The following CSMD1 variants were observed in gnomAD, a reference collection of about 807,000 sequenced individuals.
The protein encoded by CSMD1 is CUB and Sushi multiple domains 1, also known as CUB and sushi domain-containing protein 1.
CSMD1 carries 213 observed loss-of-function variants against 417.5 expected under a neutral mutation model. The ratio of observed to expected loss-of-function variants is 0.51; its 90% CI spans 0.46 to 0.57. The LOEUF is 0.57. Ranked by LOEUF, CSMD1 falls within the 20% of genes least tolerant of loss-of-function variation. The pLI, the probability that CSMD1 is intolerant of heterozygous loss-of-function variation, is 0.00. For missense variants in CSMD1, 6,923 were observed against 4,529.7 expected (o/e 1.53, Z -15.17); for synonymous variants, 2,862 against 1,736.8 (o/e 1.65, Z -16.11).
In CSMD1 at chr8:3,234,017, G is replaced by C. The variant is rs571469615; in HGVS notation, c.4154-3786C>G. Among the ~76,000 whole-genome samples, 6 of 152,284 alleles carry C rather than the reference G, an allele frequency of 3.9e-5. No individual in the cohort carries two copies. In the East Asian group the frequency reaches 9.7e-4, roughly 25 times the overall value. On this transcript the variant is annotated intron_variant, in intron 26 of 69. Coordinates refer to ENST00000635120, the MANE Select transcript of CSMD1 (RefSeq NM_033225.6). ...TCTGTGTATTCTCCCCACTCTGTGA[G>C]TAGAACACCCTTTGGTGTTCCAGCT...
intron 1 of CSMD1, among the ~76,000 whole-genome samples, chr8:4,701,327 T>TC (rs991891250): frequency 1.1e-4 from 16 of 151,650 alleles, no homozygotes; most frequent in African/African-American, 3.9e-4. Flanking sequence ...CTTTTTTTTT[T>TC]TTTAACTCTG....
At chr8:4,709,372 G>A (rs1015268775) in intron 1 of CSMD1, among the ~76,000 whole-genome samples, 5 of 152,134 alleles carry the variant, frequency 3.3e-5, no homozygotes, top group African/African-American at 1.2e-4. Context: ...GTCCCATTGT[G>A]TGCAGCAATT....
chr8:4,547,361 C>A lies in CSMD1; in HGVS notation c.302+89981G>T, dbSNP rs77192837. Among the ~76,000 whole-genome samples the A allele has an allele frequency of 2.2e-3, 333 of 152,312 alleles. 3 individuals carry two copies. Among genetic ancestry groups the A allele is most frequent in the African/African-American group, 7.8e-3 (324 of 41,560 alleles). ...TGCCACAGCAGTGAACTTTCTAAAA[C>A]ACGTATCTGAAAATATTACTTTCTT... On this transcript the variant is annotated intron_variant, in intron 2 of 69. Transcript: ENST00000635120.
intron 2 of CSMD1, among the ~76,000 whole-genome samples, chr8:4,480,473 G>A (rs1366057021): frequency 6.6e-6 from 1 of 152,114 alleles, no homozygotes; most frequent in Non-Finnish European, 1.5e-5. Context: ...AAAAAGCAGG[G>A]GCCTCAGCTA....
intron 26 of CSMD1, among the ~76,000 whole-genome samples, chr8:3,262,497 T>G (rs1801152721): frequency 1.3e-5 from 2 of 151,446 alleles, no homozygotes; most frequent in African/African-American, 4.9e-5. Flanking sequence ...TAATTACTGT[T>G]TATCCAAGAG....
At chr8:3,974,962 G>C (rs191162989) in intron 5 of CSMD1, among the ~76,000 whole-genome samples, 67 of 152,178 alleles carry the variant, frequency 4.4e-4, no homozygotes, top group Non-Finnish European at 9.3e-4. Context: ...CACCTGTTAA[G>C]AATCCAGGAT....
intron 3 of CSMD1, among the ~76,000 whole-genome samples, chr8:4,257,223 A>G (rs1803523799): frequency 6.6e-6 from 1 of 152,140 alleles, no homozygotes; most frequent in Non-Finnish European, 1.5e-5. Flanking sequence ...ATTGAAAGAG[A>G]CTAATACTAT....
intron 3 of CSMD1, among the ~76,000 whole-genome samples, chr8:4,225,790 T>C (rs1801312686): frequency 6.6e-6 from 1 of 152,122 alleles, no homozygotes; most frequent in Non-Finnish European, 1.5e-5. Flanking sequence ...CAGAGTGAAA[T>C]TAATATTTTA....
chr8:3,175,407 C>T (rs1195456822), intron 37 of CSMD1, among the ~76,000 whole-genome samples: 1 of 151,524 alleles, frequency 6.6e-6, no homozygotes, highest in African/African-American at 2.4e-5. Context: ...TTTCTACTTC[C>T]ACTTCCTTCT....
At chr8:3,450,677 G>C (rs976360712) in intron 12 of CSMD1, among the ~76,000 whole-genome samples, 1 of 152,020 alleles carries the variant, frequency 6.6e-6, no homozygotes, top group Non-Finnish European at 1.5e-5. Flanking sequence ...GTATTCCATG[G>C]TGTATATGTG....
intron 10 of CSMD1, among the ~76,000 whole-genome samples, chr8:3,544,245 C>T (rs1585336577): frequency 6.6e-6 from 1 of 151,958 alleles, no homozygotes; most frequent in Admixed American, 6.6e-5. Flanking sequence ...AAAAGTGCCC[C>T]GACATCCTGA....
chr8:4,026,779 A>C (rs1797085075), intron 4 of CSMD1, among the ~76,000 whole-genome samples: 1 of 152,248 alleles, frequency 6.6e-6, no homozygotes, highest in African/African-American at 2.4e-5. Flanking sequence ...ATTTAGATTT[A>C]AGTTTGAAGT....
intron 29 of CSMD1, 124 bp downstream of exon 29, chr8:3,219,131 C>T: frequency 1.4e-6 from 1 of 714,458 alleles, no homozygotes; most frequent in African/African-American, 1.8e-5. Flanking sequence ...TCTTCCCAGA[C>T]AGAGGAGACA....
chr8:3,120,372 G>A (rs115904243), intron 41 of CSMD1, among the ~76,000 whole-genome samples: 27 of 152,298 alleles, frequency 1.8e-4, no homozygotes, highest in Non-Finnish European at 3.5e-4. Context: ...ACCAGGCAAC[G>A]CAATATGTGG....
At chr8:4,794,689 C>A (rs996502399) in intron 1 of CSMD1, among the ~76,000 whole-genome samples, 1 of 152,182 alleles carries the variant, frequency 6.6e-6, no homozygotes, top group Non-Finnish European at 1.5e-5. Context: ...ATTGGCCCAT[C>A]TCTCTTAAGG....
At chr8:4,778,346 T>C (rs188598610) in intron 1 of CSMD1, among the ~76,000 whole-genome samples, 367 of 152,288 alleles carry the variant, frequency 2.4e-3, no homozygotes, top group South Asian at 9.1e-3. Context: ...GATATCCCCA[T>C]TGTTTTGATG....
At chr8:4,211,241 A>G (rs1387295180) in intron 3 of CSMD1, among the ~76,000 whole-genome samples, 3 of 151,854 alleles carry the variant, frequency 2.0e-5, no homozygotes, top group African/African-American at 7.3e-5. Context: ...AGCACCTCAG[A>G]TAGGGGGAAA....
chr8:4,518,509 C>G (rs543648350), intron 2 of CSMD1, among the ~76,000 whole-genome samples: 1 of 151,430 alleles, frequency 6.6e-6, no homozygotes, highest in Admixed American at 6.6e-5. Context: ...AGAAAACTAT[C>G]GCAAGGACAA....
At chr8:3,881,087 C>T (rs751007109) in intron 5 of CSMD1, among the ~76,000 whole-genome samples, 125 of 152,040 alleles carry the variant, frequency 8.2e-4, no homozygotes, top group Non-Finnish European at 1.0e-3. Context: ...ACTGAATGCA[C>T]GAAATCTGAA....
Sources: allele counts gnomAD v4.1 joint callset (sites outside exome capture counted in the v4.1 genomes callset), GRCh38; gene constraint gnomAD v4.1.1; transcripts MANE v1.5; gene names NCBI Gene and HGNC (gene_info 2026-07-23, HGNC 2026-07-21).